Variants in NKAIN2 observed in about 807,000 individuals in gnomAD.
The protein encoded by NKAIN2 is sodium/potassium transporting ATPase interacting 2, also known as sodium/potassium-transporting ATPase subunit beta-1-interacting protein 2.
In NKAIN2, 14 loss-of-function variants were observed where a neutral mutation model predicts 32.6. The observed-to-expected ratio is 0.43, with a 90% CI of 0.28 to 0.67. NKAIN2 has a LOEUF of 0.67. NKAIN2 is among the 30% of genes least tolerant of loss of function. The pLI, the probability that NKAIN2 is intolerant of heterozygous loss-of-function variation, is 0.17. For missense variants in NKAIN2, 198 were observed against 258.3 expected (o/e 0.77, Z 1.60); for synonymous variants, 80 against 87.2 (o/e 0.92, Z 0.46).
intron 1 of NKAIN2, among the ~76,000 whole-genome samples, chr6:124,233,288 C>G (rs1332466174): frequency 2.0e-5 from 3 of 151,940 alleles, no homozygotes; most frequent in Non-Finnish European, 4.4e-5. Flanking sequence ...TCTTTACAAA[C>G]CATAATTATA....
At chr6:124,187,687 C>T (rs557549496) in intron 1 of NKAIN2, among the ~76,000 whole-genome samples, 2 of 152,136 alleles carry the variant, frequency 1.3e-5, no homozygotes, top group South Asian at 4.2e-4. Flanking sequence ...ATTGCCTGAC[C>T]CTCATCCTTT....
chr6:124,726,288 C>A (rs1776302109), intron 4 of NKAIN2, among the ~76,000 whole-genome samples: 1 of 152,124 alleles, frequency 6.6e-6, no homozygotes. Flanking sequence ...GCAGTAACCT[C>A]TGCAGACTTA....
intron 1 of NKAIN2, among the ~76,000 whole-genome samples, chr6:123,910,055 A>G (rs1029569659): frequency 1.3e-5 from 2 of 152,218 alleles, no homozygotes; most frequent in Non-Finnish European, 2.9e-5. Context: ...TTTAGAATAC[A>G]TGGTTTGGAA....
At chr6:124,498,768 T>A (rs546400322) in intron 3 of NKAIN2, among the ~76,000 whole-genome samples, 1 of 152,330 alleles carries the variant, frequency 6.6e-6, no homozygotes, top group Admixed American at 6.5e-5. Flanking sequence ...GGTCTTGTAT[T>A]TTACATCAGT....
chr6:124,552,572 A>G (rs1190403107), intron 3 of NKAIN2, among the ~76,000 whole-genome samples: 2 of 152,208 alleles, frequency 1.3e-5, no homozygotes, highest in African/African-American at 4.8e-5. Context: ...AGGAATAAAA[A>G]AACTCTCCCA....
chr6:124,676,121 T>C (rs1773343978), intron 4 of NKAIN2, among the ~76,000 whole-genome samples: 1 of 152,218 alleles, frequency 6.6e-6, no homozygotes, highest in Non-Finnish European at 1.5e-5. Flanking sequence ...TTCTCACTTA[T>C]TCATGAATTC....
At chr6:123,987,897 G>T (rs535526387) in intron 1 of NKAIN2, among the ~76,000 whole-genome samples, 220 of 152,268 alleles carry the variant, frequency 1.4e-3, no homozygotes, top group African/African-American at 5.1e-3. Context: ...ATATTCATAG[G>T]TGTCTTTCAC....
At chr6:124,018,772 G>T (rs772370543) in intron 1 of NKAIN2, among the ~76,000 whole-genome samples, 1 of 151,986 alleles carries the variant, frequency 6.6e-6, no homozygotes, top group Non-Finnish European at 1.5e-5. Flanking sequence ...ATATTATTTT[G>T]TCTTCTTCTG....
At chr6:124,674,235 G>T (rs1773251228) in intron 4 of NKAIN2, among the ~76,000 whole-genome samples, 1 of 151,844 alleles carries the variant, frequency 6.6e-6, no homozygotes, top group Admixed American at 6.6e-5. Flanking sequence ...CTGTTGTTAT[G>T]CCAGTACCAT....
intron 3 of NKAIN2, among the ~76,000 whole-genome samples, chr6:124,621,736 T>C (rs1415782202): frequency 1.3e-5 from 2 of 152,194 alleles, no homozygotes; most frequent in Admixed American, 6.5e-5. Flanking sequence ...TCTCTCCCAA[T>C]AGAGAATTTG....
At chr6:124,302,113 A>G (rs553092539) in intron 2 of NKAIN2, among the ~76,000 whole-genome samples, 1 of 152,176 alleles carries the variant, frequency 6.6e-6, no homozygotes, top group Non-Finnish European at 1.5e-5. Context: ...GTGGTAGTGA[A>G]TAAGTCTCAC....
At chr6:123,986,466 GA>G (rs1562293603) in intron 1 of NKAIN2, among the ~76,000 whole-genome samples, 2 of 151,460 alleles carry the variant, frequency 1.3e-5, no homozygotes, top group East Asian at 1.9e-4. Context: ...TCTGGTAAAT[GA>G]CTGTTGGTGT....
chr6:123,852,018 AATT>A (rs1240293120), intron 1 of NKAIN2, among the ~76,000 whole-genome samples: 6 of 152,194 alleles, frequency 3.9e-5, no homozygotes, highest in Non-Finnish European at 8.8e-5. Context: ...ATATCAAAAA[AATT>A]ATTGCCCAGA....
intron 3 of NKAIN2, among the ~76,000 whole-genome samples, chr6:124,563,722 A>C (rs897206347): frequency 5.3e-5 from 8 of 152,094 alleles, no homozygotes; most frequent in Non-Finnish European, 1.2e-4. Context: ...CAGTGGTGCG[A>C]TTGCGATCTC....
chr6:123,832,955 T>G (rs1774447593), intron 1 of NKAIN2, among the ~76,000 whole-genome samples: 2 of 152,220 alleles, frequency 1.3e-5, no homozygotes, highest in African/African-American at 4.8e-5. Flanking sequence ...TGCTTTTAAT[T>G]TAGTGAAGTC....
At chr6:124,192,061 AT>A (rs937534212) in intron 1 of NKAIN2, among the ~76,000 whole-genome samples, 1 of 151,716 alleles carries the variant, frequency 6.6e-6, no homozygotes, top group Non-Finnish European at 1.5e-5. Flanking sequence ...GTTTGCTTTG[AT>A]TTTTTTCCTA....
At chr6:124,412,230 C>T (rs577462881) in intron 3 of NKAIN2, among the ~76,000 whole-genome samples, 1 of 152,152 alleles carries the variant, frequency 6.6e-6, no homozygotes, top group Non-Finnish European at 1.5e-5. Context: ...AGGAGCTGTT[C>T]TTTTGGAGGA....
chr6:124,681,991 A>G (rs1179571630), intron 4 of NKAIN2, among the ~76,000 whole-genome samples: 1 of 152,074 alleles, frequency 6.6e-6, no homozygotes, highest in Non-Finnish European at 1.5e-5. Flanking sequence ...GAGAAGGGTG[A>G]GAAAAATAGA....
At chr6:124,683,719 C>T (rs1221259731) in intron 4 of NKAIN2, among the ~76,000 whole-genome samples, 1 of 152,156 alleles carries the variant, frequency 6.6e-6, no homozygotes, top group Non-Finnish European at 1.5e-5. Context: ...CCTCTCTATT[C>T]ACTCACTCAA....
Sources: allele counts gnomAD v4.1 joint callset (sites outside exome capture counted in the v4.1 genomes callset), GRCh38; gene constraint gnomAD v4.1.1; transcripts MANE v1.5; gene names NCBI Gene and HGNC (gene_info 2026-07-23, HGNC 2026-07-21).